The following LRP1B variants were observed in gnomAD, a reference collection of about 807,000 sequenced individuals.
LRP1B encodes the protein low-density lipoprotein receptor-related protein 1B.
A neutral mutation model predicts 556.6 loss-of-function variants in LRP1B; 217 were observed. The observed-to-expected ratio is 0.39, with a 90% CI of 0.35 to 0.44. LRP1B has a LOEUF of 0.44. Among genes scored for constraint, LRP1B ranks in the 20% least tolerant of loss-of-function variants. LRP1B has a pLI of 1.00. For missense variants in LRP1B, 5,053 were observed against 5,620.8 expected (o/e 0.90, Z 3.23); for synonymous variants, 2,047 against 1,865.8 (o/e 1.10, Z -2.50).
intron 3 of LRP1B, among the ~76,000 whole-genome samples, chr2:141,391,162 C>A (rs1690037120): frequency 6.6e-6 from 1 of 152,100 alleles, no homozygotes; most frequent in Non-Finnish European, 1.5e-5. Flanking sequence ...TTATACAATG[C>A]AGAGGAAAGG....
intron 7 of LRP1B, among the ~76,000 whole-genome samples, chr2:141,094,117 G>A (rs1354981320): frequency 6.6e-6 from 1 of 152,074 alleles, no homozygotes; most frequent in Non-Finnish European, 1.5e-5. Flanking sequence ...AAAGGAAAAA[G>A]TAATAAAGAG....
chr2:141,008,687 T>A (rs1358962643), intron 14 of LRP1B, among the ~76,000 whole-genome samples: 2 of 151,920 alleles, frequency 1.3e-5, no homozygotes, highest in African/African-American at 2.4e-5. Flanking sequence ...CCCAATCTTG[T>A]ATCTTCCAGA....
chr2:140,608,737 AAAC>A (rs906883664), intron 41 of LRP1B, among the ~76,000 whole-genome samples: 24 of 152,242 alleles, frequency 1.6e-4, no homozygotes, highest in Non-Finnish European at 2.5e-4. Context: ...GGTTTTCCCA[AAAC>A]AACAACAACA....
chr2:141,103,244 T>C (rs974288650), intron 7 of LRP1B, among the ~76,000 whole-genome samples: 1 of 152,072 alleles, frequency 6.6e-6, no homozygotes, highest in Non-Finnish European at 1.5e-5. Flanking sequence ...TTTGTGAACA[T>C]CATCCAGAGT....
intron 2 of LRP1B, among the ~76,000 whole-genome samples, chr2:141,543,154 G>T (rs1685326905): frequency 6.6e-6 from 1 of 152,090 alleles, no homozygotes; most frequent in South Asian, 2.1e-4. Flanking sequence ...AGAGGAATCT[G>T]TGTAGTCAGG....
chr2:140,520,510 C>A (rs554562773), intron 49 of LRP1B, among the ~76,000 whole-genome samples: 15 of 151,714 alleles, frequency 9.9e-5, no homozygotes, highest in Non-Finnish European at 1.8e-4. Flanking sequence ...ATGTGGATGG[C>A]GAGTTGATGG....
At chr2:141,909,325 A>G (rs1382983089) in intron 1 of LRP1B, among the ~76,000 whole-genome samples, 2 of 152,098 alleles carry the variant, frequency 1.3e-5, no homozygotes, top group Non-Finnish European at 2.9e-5. Context: ...GAAACAAAGT[A>G]AACTTCGAGA....
chr2:141,919,555 T>A (rs1047231350), intron 1 of LRP1B, among the ~76,000 whole-genome samples: 6 of 152,038 alleles, frequency 3.9e-5, no homozygotes, highest in Non-Finnish European at 2.9e-5. Context: ...CAGGTGTCAA[T>A]ATGCATTTAT....
At chr2:140,439,647 A>T (rs114371820) in intron 66 of LRP1B, among the ~76,000 whole-genome samples, 1 of 152,034 alleles carries the variant, frequency 6.6e-6, no homozygotes, top group East Asian at 1.9e-4. Context: ...TTATATATTT[A>T]ATTTAATTTT....
chr2:141,884,133 G>A (rs528543065), intron 1 of LRP1B, among the ~76,000 whole-genome samples: 3 of 152,164 alleles, frequency 2.0e-5, no homozygotes, highest in Non-Finnish European at 4.4e-5. Context: ...TCAGCACTTT[G>A]GGTGGCCCAG....
At chr2:140,941,580 G>T (rs1695404182) in intron 20 of LRP1B, among the ~76,000 whole-genome samples, 1 of 152,096 alleles carries the variant, frequency 6.6e-6, no homozygotes, top group African/African-American at 2.4e-5. Context: ...ACCATCTACT[G>T]GATTGAGCCT....
chr2:141,544,343 C>CTTCTTCTTCTTCTTCTT (rs1685440132), intron 2 of LRP1B, among the ~76,000 whole-genome samples: 32 of 83,510 alleles, frequency 3.8e-4, no homozygotes, highest in African/African-American at 1.1e-3. Flanking sequence ...TCTTCTTCTT[C>CTTCTTCTTCTTCTTCTT]TTCTTCTTCT....
chr2:140,760,746 C>T (rs748937822), intron 35 of LRP1B, among the ~76,000 whole-genome samples: 1 of 151,896 alleles, frequency 6.6e-6, no homozygotes, highest in Non-Finnish European at 1.5e-5. Flanking sequence ...AATTAACTGG[C>T]GTGGTTGTGG....
rs942820521 is a variant in LRP1B, at chr2:140,432,822, T to C, written c.10414+9682A>G. Among the ~76,000 whole-genome samples the C allele has an allele frequency of 2.0e-5, 3 of 152,304 alleles. No homozygotes were observed. The East Asian group carries it at 5.8e-4, about 29-fold the overall frequency. On this transcript the variant is annotated intron_variant, in intron 66 of 90. Coordinates refer to ENST00000389484, the MANE Select transcript of LRP1B (RefSeq NM_018557.3). ...CAGACATACCTGTGTGATCCTTATA[T>C]AGCAAAACTGTGATTAATTGAAATT... is the stretch of plus-strand genomic sequence containing the variant.
intron 86 of LRP1B, among the ~76,000 whole-genome samples, chr2:140,263,025 G>A (rs1682019416): frequency 6.6e-6 from 1 of 152,106 alleles, no homozygotes; most frequent in Non-Finnish European, 1.5e-5. Flanking sequence ...TCCGGCTCAG[G>A]TGATCCTCCC....
chr2:141,739,472 T>C (rs1693617845), intron 2 of LRP1B, among the ~76,000 whole-genome samples: 1 of 152,090 alleles, frequency 6.6e-6, no homozygotes, highest in East Asian at 1.9e-4. Context: ...AAAGACAGTG[T>C]CGTGCAGGGA....
At chr2:140,641,515 G>A (rs1684292115) in intron 41 of LRP1B, among the ~76,000 whole-genome samples, 1 of 152,138 alleles carries the variant, frequency 6.6e-6, no homozygotes, top group Admixed American at 6.5e-5. Context: ...ATCACAGCTG[G>A]AACTTGTGAC....
At chr2:140,979,005 G>T (rs1696685935) in intron 18 of LRP1B, among the ~76,000 whole-genome samples, 1 of 152,048 alleles carries the variant, frequency 6.6e-6, no homozygotes, top group Non-Finnish European at 1.5e-5. Flanking sequence ...TTGAGATAGA[G>T]TCTCACTCTG....
intron 2 of LRP1B, among the ~76,000 whole-genome samples, chr2:141,557,171 C>T (rs1055852201): frequency 1.3e-5 from 2 of 151,596 alleles, no homozygotes; most frequent in Admixed American, 6.6e-5. Flanking sequence ...CTGTTCTCAA[C>T]AAAATGTCTG....
Sources: allele counts gnomAD v4.1 joint callset (sites outside exome capture counted in the v4.1 genomes callset), GRCh38; gene constraint gnomAD v4.1.1; transcripts MANE v1.5; gene names NCBI Gene and HGNC (gene_info 2026-07-23, HGNC 2026-07-21).